The following SLITRK5 variants were observed in gnomAD, a reference collection of about 807,000 sequenced individuals.
SLITRK5 encodes the protein SLIT and NTRK-like protein 5.
Under a neutral mutation model 56.2 loss-of-function variants are expected in SLITRK5, and 23 were observed. The observed-to-expected ratio is 0.41, with a 90% CI of 0.29 to 0.58. SLITRK5 has a LOEUF of 0.58. Among genes scored for constraint, SLITRK5 ranks in the 20% least tolerant of loss-of-function variants. The probability of loss-of-function intolerance (pLI) is 0.30; values close to 1 mark genes in which losing one functional copy is unlikely to be tolerated. For missense variants in SLITRK5, 1,289 were observed against 1,226.6 expected (o/e 1.05, Z -0.76); for synonymous variants, 637 against 531.8 (o/e 1.20, Z -2.72).
rs1283329770 is a variant in SLITRK5 at position 87,672,129 on chromosome 13, G to A, written c.-89G>A. On this transcript the variant is annotated 5_prime_UTR_variant, in exon 1 of 2. In the 5' UTR this introduces an upstream ATG that the reference lacks. Transcript: ENST00000683689. The stretch of plus-strand genomic sequence containing the variant: ...GGCCGGCGCGAACCCAGGCCGGAGG[G>A]TGCGAGGAGCCAGAGGAGGCTGGAG... 6.6e-6 allele frequency among the ~76,000 whole-genome samples: 1 copy of A among 152,076 alleles called. No homozygotes were observed. The highest frequency in any genetic ancestry group is 1.5e-5 in the Non-Finnish European group (1 of 68,010).
chr13:87,674,562 A>G (rs1002541571), intron 1 of SLITRK5, among the ~76,000 whole-genome samples: 4 of 152,104 alleles, frequency 2.6e-5, no homozygotes, highest in Admixed American at 2.0e-4. Flanking sequence ...TCAGTGGCTT[A>G]AAGATGCGGT....
Position 87,677,532 on chromosome 13 carries a change from G to A in SLITRK5, c.2144G>A (p.Ser715Asn). The change falls in exon 2 of 2, where the codon AGC (serine) becomes AAC (asparagine). Residue 715 changes from serine to asparagine, a missense_variant. Ser to Asn is a conservative substitution (Grantham distance 46). Around this residue, in one of 3 missense-constraint regions of SLITRK5, gnomAD observed 985 missense variants for 906.0 expected, o/e 1.09. Transcript: ENST00000683689. This position sits in a 1 kb window ranked among gnomAD's most constrained non-coding sequence, Gnocchi z 4.7. ...GTGAGCTCCTTTAACATGCAGTACA[G>A]CGTGTACGGCGGCGGCGGCGGCACG... ...SDVSSFNMQY[S>N]VYGGGGGTGG... is the part of the protein sequence containing the mutation. 4 of 1,608,786 alleles carry A rather than the reference G, an allele frequency of 2.5e-6. No individual in the cohort carries two copies. Among genetic ancestry groups the A allele is most frequent in the Non-Finnish European group, 3.4e-6 (4 of 1,176,990 alleles).
At chr13:87,674,416 C>G in intron 1 of SLITRK5, 1 of 985,168 alleles carries the variant, frequency 1.0e-6, no homozygotes. Flanking sequence ...GTAAGGGAGG[C>G]TTTCGTGCTG....
Position 87,675,679 on chromosome 13 carries a change from T to G in SLITRK5, c.291T>G (p.Tyr97Ter). The G allele has an allele frequency of 6.2e-7, 1 of 1,614,202 alleles. No individual in the cohort carries two copies. The highest frequency in any genetic ancestry group is 8.5e-7 in the Non-Finnish European group (1 of 1,180,044). ...CCGGAAACCTTTTGAACCGTCTCTA[T>G]CCCAATGAGTTTGTCAATTACACTG... is the stretch of plus-strand genomic sequence containing the variant. ...LLSGNLLNRL[Y>*]PNEFVNYTGA... The change falls in exon 2 of 2, where the codon TAT (tyrosine) becomes TAG (stop). Residue 97 changes from tyrosine (Y) to a stop codon, truncating the protein, a stop_gained. Transcript: ENST00000683689. LOFTEE classifies it high-confidence loss of function.
chr13:87,673,565 A>G (rs1469384160), intron 1 of SLITRK5: 2 of 1,275,338 alleles, frequency 1.6e-6, no homozygotes, highest in Admixed American at 2.3e-5. Context: ...CGGAGAACTG[A>G]AATTTCAAGG....
At position 87,676,594 on chromosome 13, in the gene SLITRK5, T is replaced by G. The variant is rs1323720995; in HGVS notation, c.1206T>G (p.Ala402=). The change falls in exon 2 of 2, where the codon GCT becomes GCG. Residue 402 remains alanine (A), a synonymous_variant. Coordinates refer to ENST00000683689, the MANE Select transcript of SLITRK5 (RefSeq NM_001384609.1). ...NCQERKIESI[A]ELQPKPYNPK... ...AGGAGCGAAAGATCGAGAGCATCGC[T>G]GAACTGCAGCCCAAGCCCTACAATC... is the stretch of plus-strand genomic sequence containing the variant. The G allele has an allele frequency of 6.2e-7, 1 of 1,613,974 alleles. No homozygotes were observed. Among genetic ancestry groups the G allele is most frequent in the Non-Finnish European group, 8.5e-7 (1 of 1,180,042 alleles).
At position 87,676,896 on chromosome 13, in the gene SLITRK5, C is replaced by G. The variant is rs146241314; in HGVS notation, c.1508C>G (p.Pro503Arg). The G allele has an allele frequency of 2.5e-5, 40 of 1,614,018 alleles. No individual in the cohort carries two copies. Among genetic ancestry groups the G allele is most frequent in the Non-Finnish European group, 3.3e-5 (39 of 1,180,038 alleles). The change falls in exon 2 of 2, where the codon CCG becomes CGG. Residue 503 changes from proline to arginine, a missense_variant. Around this residue, in one of 3 missense-constraint regions of SLITRK5, gnomAD observed 985 missense variants for 906.0 expected, o/e 1.09. Transcript: ENST00000683689. ...IREIQSGTFDPVPNLQLLFLN... is the reference protein window; with the variant it reads ...IREIQSGTFDRVPNLQLLFLN... ...GAGATTCAGTCTGGAACTTTTGACC[C>G]GGTCCCAAACCTCCAGCTGCTATTC...
Position 87,676,811 on chromosome 13 carries a change from G to C in SLITRK5, c.1423G>C (p.Glu475Gln), listed in dbSNP as rs1435889374. Residue 475 changes from glutamate to glutamine, a missense_variant, in exon 2 of 2, where the codon GAG (glutamate) becomes CAG (glutamine). By Grantham distance (29) the Glu-to-Gln change is conservative. Around this residue, in one of 3 missense-constraint regions of SLITRK5, gnomAD observed 985 missense variants for 906.0 expected, o/e 1.09. Transcript: ENST00000683689. ...CAACAGGATCGAGAGGCTGAGCCCG[G>C]AGTTATTCTATGGCCTGCAGAGCCT... The part of the protein sequence containing the change: ...NGNRIERLSP[E>Q]LFYGLQSLQY... 5.6e-6 allele frequency: 9 copies of C among 1,613,964 alleles called. No homozygotes were observed. The highest frequency in any genetic ancestry group is 7.6e-6 in the Non-Finnish European group (9 of 1,180,032).
In SLITRK5 at chr13:87,676,651, C is replaced by T; in HGVS notation, c.1263C>T (p.Ile421=). Residue 421 remains isoleucine (I), a synonymous_variant, in exon 2 of 2, where the codon ATC becomes ATT. Transcript: ENST00000683689. The part of the protein sequence containing the change: ...PKKMYLTENY[I]AVVRRTDFLE... The stretch of plus-strand genomic sequence containing the variant: ...AAATGTATCTGACAGAGAACTACAT[C>T]GCTGTCGTGCGCAGGACAGACTTCC... The T allele has an allele frequency of 6.2e-7, 1 of 1,613,984 alleles. No individual in the cohort carries two copies. The highest frequency in any genetic ancestry group is 8.5e-7 in the Non-Finnish European group (1 of 1,180,036).
Position 87,679,554 on chromosome 13 carries a change from T to A in SLITRK5, c.*1289T>A. On this transcript the variant is annotated 3_prime_UTR_variant, in exon 2 of 2. Transcript: ENST00000683689. ...GGGCTACTGTTGTTACAGTCTCATA[T>A]GTATCCCAGCACATGTAATTTTTTA... is the stretch of plus-strand genomic sequence containing the variant. The A allele has an allele frequency of 6.0e-6, 1 of 166,930 alleles. No individual in the cohort carries two copies. The allele number at this position is 166,930 out of a possible 1,614,324, so 10.3% of individuals were successfully genotyped here.
Position 87,675,698 on chromosome 13 carries a change from T to G in SLITRK5, c.310T>G (p.Tyr104Asp), listed in dbSNP as rs1368505864. The G allele has an allele frequency of 6.2e-7, 1 of 1,614,172 alleles. No individual in the cohort carries two copies. Among genetic ancestry groups the G allele is most frequent in the Non-Finnish European group, 8.5e-7 (1 of 1,180,034 alleles). Residue 104 changes from tyrosine to aspartate, a missense_variant, in exon 2 of 2, where the codon TAC becomes GAC. Physicochemically the swap from Tyr to Asp is radical, Grantham distance 160. Transcript: ENST00000683689. ...TCTCTATCCCAATGAGTTTGTCAAT[T>G]ACACTGGGGCTTCAATTTTGCATCT... is the stretch of plus-strand genomic sequence containing the variant. ...NRLYPNEFVNYTGASILHLGS... is the reference protein window; with the variant it reads ...NRLYPNEFVNDTGASILHLGS...
rs886557727 is a variant in SLITRK5, at chr13:87,678,750, T to C, written c.*485T>C. 1.3e-5 allele frequency: 2 copies of C among 157,672 alleles called. No individual in the cohort carries two copies. Among genetic ancestry groups the C allele is most frequent in the African/African-American group, 2.6e-5 (1 of 38,092 alleles). 9.8% of individuals were successfully genotyped at this position (157,672 alleles called of 1,614,324 possible). A position where few individuals can be genotyped will look rare whatever the true frequency, so the allele number is the denominator to read the frequency against. On this transcript the variant is annotated 3_prime_UTR_variant, in exon 2 of 2. Coordinates refer to ENST00000683689, the MANE Select transcript of SLITRK5 (RefSeq NM_001384609.1). Reference sequence around the variant, plus strand: ...AGCACACCCCAACTTTAATAGGAAATTTGTTCTCTTTTTCCGCCCCTCTCC... The same window carrying C: ...AGCACACCCCAACTTTAATAGGAAACTTGTTCTCTTTTTCCGCCCCTCTCC...
intron 1 of SLITRK5, among the ~76,000 whole-genome samples, chr13:87,674,940 G>A (rs1456094992): frequency 6.6e-6 from 1 of 151,292 alleles, no homozygotes. Flanking sequence ...TAACTGAAGA[G>A]GCTCTGAAAG....
In SLITRK5 at chr13:87,678,336, TTTGA is replaced by T; in HGVS notation, c.*74_*77del. 1 of 1,355,072 alleles carries T rather than the reference TTTGA, an allele frequency of 7.4e-7. No homozygotes were observed. Among genetic ancestry groups the T allele is most frequent in the Non-Finnish European group, 1.0e-6 (1 of 982,484 alleles). The allele number at this position is 1,355,072 out of a possible 1,614,324, so 83.9% of individuals were successfully genotyped here. A position where few individuals can be genotyped will look rare whatever the true frequency, so the allele number is the denominator to read the frequency against. On this transcript the variant is annotated 3_prime_UTR_variant, in exon 2 of 2. Transcript: ENST00000683689. ...CAAGCAGACACACACAGTGAACACATTTGATTAATTGTGTTGTTTCAACGTTTAG... is the reference window on the plus strand; with the variant it reads ...CAAGCAGACACACACAGTGAACACATTTAATTGTGTTGTTTCAACGTTTAG...
Position 87,676,207 on chromosome 13 carries a change from G to A in SLITRK5, c.819G>A (p.Arg273=), listed in dbSNP as rs754355045. 1.2e-6 allele frequency: 2 copies of A among 1,614,052 alleles called. No individual in the cohort carries two copies. Among genetic ancestry groups the A allele is most frequent in the Admixed American group, 1.7e-5 (1 of 60,014 alleles). Residue 273 remains arginine, a synonymous_variant, in exon 2 of 2, where the codon AGG becomes AGA. Transcript: ENST00000683689. ...AGACCCCCTTCCGCTTACACGGAAG[G>A]GACTTGGACGAGGTATCCAAGCAGG... The part of the protein sequence containing the change: ...VCETPFRLHG[R]DLDEVSKQEL...
Position 87,675,896 on chromosome 13 carries a change from C to T in SLITRK5, c.508C>T (p.Pro170Ser), listed in dbSNP as rs757817963. The T allele has an allele frequency of 3.7e-5, 59 of 1,614,028 alleles. No individual in the cohort carries two copies. In the East Asian group the frequency reaches 1.2e-3, roughly 34 times the overall value. ...TTACAACTACATCAGCGTCATTGAA[C>T]CCAATGCTTTTGGGAAACTGCATTT... ...VDYNYISVIE[P>S]NAFGKLHLLQ... Residue 170 changes from proline (P) to serine (S), a missense_variant, in exon 2 of 2, where the codon CCC becomes TCC. By Grantham distance (74) the Pro-to-Ser change is moderately conservative (BLOSUM62 -1). This residue lies in a region of SLITRK5 where 291 missense variants were observed against 286.7 expected (regional missense o/e 1.02). Transcript: ENST00000683689.
chr13:87,673,939 G>A (rs1462545026), intron 1 of SLITRK5, among the ~76,000 whole-genome samples: 2 of 152,018 alleles, frequency 1.3e-5, no homozygotes, highest in African/African-American at 4.8e-5. Flanking sequence ...GGTTCCTAGA[G>A]TCCAGCATTT....
Position 87,671,808 on chromosome 13 carries a change from C to A in SLITRK5, c.-410C>A, listed in dbSNP as rs559519353. Among the ~76,000 whole-genome samples, 1 of 152,002 alleles carries A rather than the reference C, an allele frequency of 6.6e-6. No homozygotes were observed. The highest frequency in any genetic ancestry group is 1.5e-5 in the Non-Finnish European group (1 of 67,966). ...AATTAGGGGCCGCGGCGGCGGCGGG[C>A]TCGGCGCGGAGACAGCGTCGGCGGG... is the stretch of plus-strand genomic sequence containing the variant. On this transcript the variant is annotated 5_prime_UTR_variant, in exon 1 of 2. Transcript: ENST00000683689.
Position 87,677,069 on chromosome 13 carries a change from C to A in SLITRK5, c.1681C>A (p.His561Asn), listed in dbSNP as rs774501366. ...GAAGTCACTCATCCAAATCGACCTGCATGACAATCCTTGGGATTGTACCTG... is the reference window on the plus strand; with the variant it reads ...GAAGTCACTCATCCAAATCGACCTGAATGACAATCCTTGGGATTGTACCTG... ...QLKSLIQIDLHDNPWDCTCDI... is the reference protein window; with the variant it reads ...QLKSLIQIDLNDNPWDCTCDI... Residue 561 changes from histidine to asparagine, a missense_variant, in exon 2 of 2, where the codon CAT becomes AAT. By Grantham distance (68) the His-to-Asn change is moderately conservative. Transcript: ENST00000683689. The surrounding 1 kb of genome is among the most constrained non-coding windows in gnomAD (Gnocchi z 4.7). 4.2e-5 allele frequency: 68 copies of A among 1,614,038 alleles called. No individual in the cohort carries two copies. Among genetic ancestry groups the A allele is most frequent in the Admixed American group, 1.7e-4 (10 of 59,998 alleles).
Sources: gnomAD v4.1 joint callset for allele counts (sites outside exome capture counted in the v4.1 genomes callset) on GRCh38, gnomAD v4.1.1 for gene constraint, gnomAD v4.1.1 regional missense constraint, Gnocchi (gnomAD v3.1) non-coding constraint, MANE v1.5 for transcripts, NCBI Gene and HGNC (gene_info 2026-07-23, HGNC 2026-07-21) for gene names.